ZNF559: variants seen among roughly 807,000 people sequenced by gnomAD.
The protein encoded by ZNF559 is putative protein product of Nbla00121.
Under a neutral mutation model 14.2 loss-of-function variants are expected in ZNF559, and 17 were observed. The observed-to-expected ratio is 1.20, with a 90% CI of 0.82 to 1.80. The LOEUF (loss-of-function observed/expected upper bound fraction) is 1.80, where lower values mean the gene tolerates loss of function less well. ZNF559 is among the 40% of genes most tolerant of loss of function. The pLI is 0.00. For missense variants in ZNF559, 740 were observed against 629.7 expected, an observed-to-expected ratio of 1.18 and a Z score of -1.88; for synonymous variants, 244 against 212.4, an observed-to-expected ratio of 1.15 and a Z score of -1.29.
At chr19:9,341,454 G>A in intron 6 of ZNF559, 1 of 809,502 alleles carries the variant, frequency 1.2e-6, no homozygotes, top group Non-Finnish European at 2.1e-6. Context: ...GCCGTTATCA[G>A]CTAAGCTCTA....
chr19:9,340,733 A>ATTTTTTTTTTT lies in ZNF559; in HGVS notation c.161-363_161-353dup, dbSNP rs201367378. 9.2e-4 allele frequency among the ~76,000 whole-genome samples: 115 copies of ATTTTTTTTTTT among 124,636 alleles called. 2 individuals are homozygous for ATTTTTTTTTTT. The highest frequency in any genetic ancestry group is 3.2e-3 in the African/African-American group (101 of 31,836). The allele number at this position is 124,636 out of a possible 152,430, so 81.8% of individuals were successfully genotyped here. On this transcript the variant is annotated intron_variant, in intron 5 of 6. Coordinates refer to ENST00000603380, the MANE Select transcript of ZNF559 (RefSeq NM_032497.3). Reference sequence around the variant, plus strand: ...AGGTGCATGCCACCTTGCCTGGCTAATTTTTTTTTTTTTTTTGTATTTTAG... The same window carrying ATTTTTTTTTTT: ...AGGTGCATGCCACCTTGCCTGGCTAATTTTTTTTTTTTTTTTTTTTTTTTTTTGTATTTTAG...
At chr19:9,331,595 A>G (rs1316737617) in intron 2 of ZNF559, among the ~76,000 whole-genome samples, 1 of 152,248 alleles carries the variant, frequency 6.6e-6, no homozygotes, top group Non-Finnish European at 1.5e-5. Flanking sequence ...TCAAAAAGAT[A>G]TAAAGTCAGC....
At chr19:9,335,588 C>T (rs1381540107) in intron 2 of ZNF559, among the ~76,000 whole-genome samples, 2 of 152,212 alleles carry the variant, frequency 1.3e-5, no homozygotes, top group African/African-American at 4.8e-5. Context: ...GGCTCTATCG[C>T]CCAGACTGGC....
In ZNF559 at chr19:9,343,124, T is replaced by C. The variant is rs2067655484; in HGVS notation, c.*56T>C. 1.3e-6 allele frequency: 2 copies of C among 1,561,056 alleles called. No individual in the cohort carries two copies. The highest frequency in any genetic ancestry group is 2.2e-5 in the East Asian group (1 of 44,694). Reference sequence around the variant, plus strand: ...AAAGCCACTACTTCCTCACACTTACTGAACATGTACTCATTCATAGTGGCA... The same window carrying C: ...AAAGCCACTACTTCCTCACACTTACCGAACATGTACTCATTCATAGTGGCA... On this transcript the variant is annotated 3_prime_UTR_variant, in exon 7 of 7. Transcript: ENST00000603380.
intron 2 of ZNF559, chr19:9,330,010 T>G (rs2066854548): frequency 6.6e-6 from 1 of 152,230 alleles, no homozygotes; most frequent in Non-Finnish European, 1.5e-5. Flanking sequence ...CATTGGGGAA[T>G]TTAATCCATT....
At chr19:9,337,146 G>T (rs1031851480) in intron 2 of ZNF559, among the ~76,000 whole-genome samples, 4 of 152,172 alleles carry the variant, frequency 2.6e-5, no homozygotes, top group Admixed American at 6.5e-5. Context: ...TTTTACTGAG[G>T]GTTAGTCCCG....
rs1211605660 is a variant in ZNF559, at chr19:9,342,105, T to G, written c.654T>G (p.Tyr218Ter). Reference sequence around the variant, plus strand: ...AGAGACCATATACTCATAAGGAGTATGTCGAAACCTTTTCTCATTCTACAG... The same window carrying G: ...AGAGACCATATACTCATAAGGAGTAGGTCGAAACCTTTTCTCATTCTACAG... ...GGERPYTHKE[Y>*]VETFSHSTAL... The change falls in exon 7 of 7, where the codon TAT (tyrosine) becomes TAG (stop). Residue 218 changes from tyrosine (Y) to a stop codon, truncating the protein, a stop_gained. Coordinates refer to ENST00000603380, the MANE Select transcript of ZNF559 (RefSeq NM_032497.3). LOFTEE classifies it low-confidence loss of function (END_TRUNC). 2.5e-6 allele frequency: 4 copies of G among 1,613,438 alleles called. No homozygotes were observed. Among genetic ancestry groups the G allele is most frequent in the Non-Finnish European group, 3.4e-6 (4 of 1,179,812 alleles).
chr19:9,345,682 T>A lies in ZNF559; in HGVS notation c.*2614T>A, dbSNP rs1332518613. On this transcript the variant is annotated 3_prime_UTR_variant, in exon 7 of 7. Transcript: ENST00000603380. ...ATTTTTTTTTATATAGAGACAGGGT[T>A]TTACTCTGTCTCCCAGGCTGAAGTG... 6.6e-6 allele frequency: 1 copy of A among 151,540 alleles called. No individual in the cohort carries two copies. Among genetic ancestry groups the A allele is most frequent in the Non-Finnish European group, 1.5e-5 (1 of 67,900 alleles). 9.4% of individuals were successfully genotyped at this position (151,540 alleles called of 1,614,324 possible).
At chr19:9,331,976 C>T (rs2066957808) in intron 2 of ZNF559, among the ~76,000 whole-genome samples, 1 of 152,068 alleles carries the variant, frequency 6.6e-6, no homozygotes, top group African/African-American at 2.4e-5. Flanking sequence ...ATTATATGTT[C>T]AAAATACTGT....
Position 9,342,824 on chromosome 19 carries a change from T to C in ZNF559, c.1373T>C (p.Ile458Thr). 1 of 1,613,834 alleles carries C rather than the reference T, an allele frequency of 6.2e-7. No individual in the cohort carries two copies. Among genetic ancestry groups the C allele is most frequent in the Non-Finnish European group, 8.5e-7 (1 of 1,179,950 alleles). Reference protein sequence around the residue: ...YSSHLSQHKRIHTGERPYKCQ... With the variant: ...YSSHLSQHKRTHTGERPYKCQ... ...TCGCACCTTAGTCAACATAAAAGAATACATACAGGGGAGAGGCCATATAAA... is the reference window on the plus strand; with the variant it reads ...TCGCACCTTAGTCAACATAAAAGAACACATACAGGGGAGAGGCCATATAAA... The change falls in exon 7 of 7, where the codon ATA becomes ACA. Residue 458 changes from isoleucine to threonine, a missense_variant. By Grantham distance (89) the Ile-to-Thr change is moderately conservative. Transcript: ENST00000603380.
At chr19:9,335,349 C>A (rs190085878) in intron 2 of ZNF559, among the ~76,000 whole-genome samples, 1 of 151,960 alleles carries the variant, frequency 6.6e-6, no homozygotes. Flanking sequence ...TGCCTGAAGT[C>A]CTAGCTACTC....
chr19:9,325,386 G>T (rs1282135937), intron 2 of ZNF559, among the ~76,000 whole-genome samples: 1 of 151,962 alleles, frequency 6.6e-6, no homozygotes, highest in Non-Finnish European at 1.5e-5. Context: ...AGGCTGCTGT[G>T]AGCCATTATT....
chr19:9,324,576 T>C lies in ZNF559; in HGVS notation c.-205-119T>C, dbSNP rs576848775. On this transcript the variant is annotated intron_variant, in intron 1 of 6. Transcript: ENST00000603380. ...TGGGCGGATTGGGTAGGAGGATTAC[T>C]TGAGGCCAGGAGTTCAAGACCAGGC... The C allele has an allele frequency of 4.7e-5, 55 of 1,166,538 alleles. No individual in the cohort carries two copies. The South Asian group carries it at 8.3e-4, about 18-fold the overall frequency. The allele number at this position is 1,166,538 out of a possible 1,614,324, so 72.3% of individuals were successfully genotyped here. A position where few individuals can be genotyped will look rare whatever the true frequency, so the allele number is the denominator to read the frequency against.
intron 2 of ZNF559, among the ~76,000 whole-genome samples, chr19:9,332,291 G>C (rs1286406289): frequency 6.6e-6 from 1 of 151,540 alleles, no homozygotes; most frequent in Non-Finnish European, 1.5e-5. Context: ...GGCATTTCTG[G>C]GATATGTTCT....
intron 1 of ZNF559, 35 bp from the exon 2 acceptor site, chr19:9,324,660 T>C (rs2066480022): frequency 2.5e-6 from 3 of 1,179,244 alleles, no homozygotes; most frequent in Non-Finnish European, 1.1e-6. Flanking sequence ...AAAAAAAAAG[T>C]CTCCACATCC....
At chr19:9,325,015 A>G (rs142880658) in intron 2 of ZNF559, among the ~76,000 whole-genome samples, 1 of 152,332 alleles carries the variant, frequency 6.6e-6, no homozygotes, top group East Asian at 1.9e-4. Flanking sequence ...CGCCCTGTAG[A>G]TTCCCCCAGA....
chr19:9,328,339 C>A (rs1056539664), intron 2 of ZNF559, among the ~76,000 whole-genome samples: 7 of 125,592 alleles, frequency 5.6e-5, no homozygotes, highest in African/African-American at 2.3e-4. Flanking sequence ...TACTATTAGG[C>A]TTGTTTGTCT....
intron 2 of ZNF559, among the ~76,000 whole-genome samples, chr19:9,326,306 C>T (rs190871284): frequency 4.6e-5 from 7 of 152,124 alleles, no homozygotes; most frequent in African/African-American, 7.2e-5. Context: ...AGGGTTTCAC[C>T]GTGTTGGCCA....
upstream of ZNF559, chr19:9,323,837 G>C (rs76843151): frequency 8.7e-3 from 2,927 of 335,442 alleles, 167 homozygotes; most frequent in East Asian, 0.13. Flanking sequence ...GACTCATGAA[G>C]GTTCTGTTTC....
Sources: allele counts gnomAD v4.1 joint callset (sites outside exome capture counted in the v4.1 genomes callset), GRCh38; gene constraint gnomAD v4.1.1; transcripts MANE v1.5; gene names NCBI Gene and HGNC (gene_info 2026-07-23, HGNC 2026-07-21).